Variants in CDH12 observed in about 807,000 individuals in gnomAD.
CDH12 encodes the protein cadherin-12.
CDH12 carries 41 observed loss-of-function variants against 74.1 expected under a neutral mutation model. That is an observed-to-expected ratio of 0.55 (90% CI 0.43 to 0.72). The LOEUF (loss-of-function observed/expected upper bound fraction) is 0.72. Among genes scored for constraint, CDH12 ranks in the 30% least tolerant of loss-of-function variants. The pLI, the probability that CDH12 is intolerant of heterozygous loss-of-function variation, is 0.00. For synonymous variants in CDH12, 399 were observed against 355.0 expected (o/e 1.12, Z -1.39); for missense variants, 945 against 977.2 (o/e 0.97, Z 0.44).
At chr5:21,905,593 C>G (rs929139509) in intron 6 of CDH12, among the ~76,000 whole-genome samples, 1 of 152,216 alleles carries the variant, frequency 6.6e-6, no homozygotes, top group Non-Finnish European at 1.5e-5. Flanking sequence ...CCCGATCACT[C>G]TCTCTCAGAC....
chr5:22,128,601 A>G (rs1161574010), intron 4 of CDH12, among the ~76,000 whole-genome samples: 1 of 152,188 alleles, frequency 6.6e-6, no homozygotes, highest in African/African-American at 2.4e-5. Context: ...ACAAATTTAA[A>G]ATTTTGATAA....
At chr5:22,834,328 A>G (rs1362478487) in intron 1 of CDH12, among the ~76,000 whole-genome samples, 2 of 152,100 alleles carry the variant, frequency 1.3e-5, no homozygotes, top group African/African-American at 4.8e-5. Context: ...TATAGAGGAG[A>G]CTGGAAAGAA....
chr5:22,544,772 G>GTA lies in CDH12; in HGVS notation c.-522-39409_-522-39408insTA, dbSNP rs1738244444. On this transcript the variant is annotated intron_variant, in intron 1 of 14. Transcript: ENST00000382254. The stretch of plus-strand genomic sequence containing the variant: ...GGACAGATTGCAGTGAATTGATATT[G>GTA]CACCACTGTACTCCAGCCTGGGTGA... Among the ~76,000 whole-genome samples, 3 of 151,456 alleles carry GTA rather than the reference G, an allele frequency of 2.0e-5. No individual in the cohort carries two copies. The South Asian group carries it at 6.2e-4, about 32-fold the overall frequency.
chr5:22,132,998 G>C (rs1746261035), intron 4 of CDH12, among the ~76,000 whole-genome samples: 2 of 152,066 alleles, frequency 1.3e-5, no homozygotes, highest in African/African-American at 2.4e-5. Context: ...AAAATAATTT[G>C]TCATTTTAGA....
rs111916942 is a variant in CDH12 at position 22,457,616 on chromosome 5, T to A, written c.-428+47654A>T. Among the ~76,000 whole-genome samples, 560 of 150,470 alleles carry A rather than the reference T, an allele frequency of 3.7e-3. 5 individuals carry two copies. The highest frequency in any genetic ancestry group is 0.013 in the African/African-American group (533 of 40,804). On this transcript the variant is annotated intron_variant, in intron 2 of 14. Transcript: ENST00000382254. The stretch of plus-strand genomic sequence containing the variant: ...TTTTTTGAGACAGAGTCTTGCTCTG[T>A]CACCCAGGCTGGAGTGCAGTGGTGC...
At chr5:22,698,409 C>T (rs1742497119) in intron 1 of CDH12, among the ~76,000 whole-genome samples, 1 of 151,408 alleles carries the variant, frequency 6.6e-6, no homozygotes, top group Admixed American at 6.6e-5. Context: ...GAGTGAGCCA[C>T]CGTGTCTGGC....
At chr5:22,028,830 C>T (rs566325835) in intron 5 of CDH12, among the ~76,000 whole-genome samples, 63 of 152,268 alleles carry the variant, frequency 4.1e-4, no homozygotes, top group African/African-American at 1.3e-3. Flanking sequence ...AAGAACAAAG[C>T]TGGAGGCATC....
intron 1 of CDH12, among the ~76,000 whole-genome samples, chr5:22,546,583 G>A (rs1738342217): frequency 6.6e-6 from 1 of 152,066 alleles, no homozygotes; most frequent in South Asian, 2.1e-4. Flanking sequence ...TTTTAATTTT[G>A]AGTAAGTGTT....
chr5:22,276,749 C>T (rs971365317), intron 3 of CDH12, among the ~76,000 whole-genome samples: 25 of 152,230 alleles, frequency 1.6e-4, no homozygotes, highest in African/African-American at 5.3e-4. Flanking sequence ...CGCAGTGGCG[C>T]GATCTCAGCT....
chr5:22,082,891 T>G (rs891451220), intron 4 of CDH12, among the ~76,000 whole-genome samples: 1 of 152,224 alleles, frequency 6.6e-6, no homozygotes, highest in Non-Finnish European at 1.5e-5. Flanking sequence ...CAGATTTTTA[T>G]GCATTTCTCT....
chr5:22,489,056 C>CTTTTTTTTTTTTTTTTTTTGTTTTTT (rs1746735488), intron 2 of CDH12, among the ~76,000 whole-genome samples: 1 of 37,314 alleles, frequency 2.7e-5, no homozygotes, highest in Non-Finnish European at 4.8e-5. Flanking sequence ...TTGGTACCAC[C>CTTTTTTTTTTTTTTTTTTTGTTTTTT]TTTTTTTTTT....
chr5:22,430,201 C>T (rs1283011579), intron 2 of CDH12, among the ~76,000 whole-genome samples: 1 of 152,088 alleles, frequency 6.6e-6, no homozygotes, highest in African/African-American at 2.4e-5. Flanking sequence ...TCTTTGCATG[C>T]TCCAGAAACT....
intron 1 of CDH12, among the ~76,000 whole-genome samples, chr5:22,830,690 A>C (rs10060539): frequency 0.4 from 60,905 of 151,316 alleles, 12,750 homozygotes; most frequent in Admixed American, 0.46. Flanking sequence ...CATTTTTCAA[A>C]TTGCCTTTAG....
chr5:21,817,672 C>G (rs1193175923), intron 8 of CDH12, among the ~76,000 whole-genome samples: 2 of 151,784 alleles, frequency 1.3e-5, no homozygotes, highest in Admixed American at 1.3e-4. Context: ...AATCAAAATT[C>G]TAGTCGATGA....
At chr5:22,158,049 T>C (rs1444846818) in intron 4 of CDH12, among the ~76,000 whole-genome samples, 1 of 152,080 alleles carries the variant, frequency 6.6e-6, no homozygotes, top group Non-Finnish European at 1.5e-5. Flanking sequence ...AGTCATGAGG[T>C]CCTCATATAT....
At chr5:21,999,678 C>A (rs997747225) in intron 5 of CDH12, among the ~76,000 whole-genome samples, 1 of 151,544 alleles carries the variant, frequency 6.6e-6, no homozygotes, top group Admixed American at 6.6e-5. Flanking sequence ...ATGGGATTTT[C>A]CAGTCATAAA....
intron 3 of CDH12, among the ~76,000 whole-genome samples, chr5:22,220,425 CATT>C (rs1289869588): frequency 2.0e-5 from 3 of 151,578 alleles, no homozygotes; most frequent in African/African-American, 7.3e-5. Flanking sequence ...TAAATTTTCA[CATT>C]ATTTTTATAA....
Position 21,762,874 on chromosome 5 carries a change from C to CTT in CDH12, c.1515+2102_1515+2103dup, listed in dbSNP as rs10561731. On this transcript the variant is annotated intron_variant, in intron 12 of 14. Transcript: ENST00000382254. ...AACCACCTAAAAGCTAAAGAACTGG[C>CTT]TTTTTTTTTTTTTTTTTGTCTTTGT... Among the ~76,000 whole-genome samples the CTT allele has an allele frequency of 5.4e-3, 689 of 128,492 alleles. 6 individuals carry two copies. The highest frequency in any genetic ancestry group is 0.016 in the African/African-American group (587 of 35,920). The allele number at this position is 128,492 out of a possible 152,430, so 84.3% of individuals were successfully genotyped here. A position where few individuals can be genotyped will look rare whatever the true frequency, so the allele number is the denominator to read the frequency against.
At chr5:22,006,152 C>T (rs185700543) in intron 5 of CDH12, among the ~76,000 whole-genome samples, 29 of 152,154 alleles carry the variant, frequency 1.9e-4, no homozygotes, top group Admixed American at 1.4e-3. Flanking sequence ...TTGGGTAACT[C>T]TATGTCTGTG....
Sources: gnomAD v4.1 joint callset for allele counts (sites outside exome capture counted in the v4.1 genomes callset) on GRCh38, gnomAD v4.1.1 for gene constraint, MANE v1.5 for transcripts, NCBI Gene and HGNC (gene_info 2026-07-23, HGNC 2026-07-21) for gene names.